Variants in BCAR3 observed in about 807,000 individuals in gnomAD.
BCAR3 encodes the protein breast cancer anti-estrogen resistance protein 3.
Under a neutral mutation model 80.1 loss-of-function variants are expected in BCAR3, and 37 were observed. That is an observed-to-expected ratio of 0.46 (90% CI 0.36 to 0.61). BCAR3 has a LOEUF of 0.61. Ranked by LOEUF, BCAR3 falls within the 20% of genes least tolerant of loss-of-function variation. The pLI is 0.00. For synonymous variants in BCAR3, 389 were observed against 418.9 expected (o/e 0.93, Z 0.87); for missense variants, 978 against 1,068.2 (o/e 0.92, Z 1.18).
Position 93,613,896 on chromosome 1 carries a change from G to A in BCAR3, c.358-21503C>T, listed in dbSNP as rs762496720. ...GTGATAGAAGCAGCACAGAGCTGCTGAGAGGGCGTGGAAAGCACTGCATTC... is the reference window on the plus strand; with the variant it reads ...GTGATAGAAGCAGCACAGAGCTGCTAAGAGGGCGTGGAAAGCACTGCATTC... On this transcript the variant is annotated intron_variant, in intron 3 of 11. Coordinates refer to ENST00000260502, the MANE Select transcript of BCAR3 (RefSeq NM_003567.4). 3.2e-6 allele frequency: 5 copies of A among 1,550,596 alleles called. No homozygotes were observed. The South Asian group carries it at 5.9e-5, about 18-fold the overall frequency.
At chr1:93,702,532 C>T (rs1649681443) in intron 3 of BCAR3, among the ~76,000 whole-genome samples, 1 of 146,222 alleles carries the variant, frequency 6.8e-6, no homozygotes, top group African/African-American at 2.5e-5. Flanking sequence ...CATGGAGTTC[C>T]TGGGCTCAGG....
intron 2 of BCAR3, among the ~76,000 whole-genome samples, chr1:93,655,711 T>A (rs1314009960): frequency 6.6e-6 from 1 of 152,238 alleles, no homozygotes; most frequent in Non-Finnish European, 1.5e-5. Flanking sequence ...ACACAACTAC[T>A]GAATAGCAAA....
At chr1:93,639,118 C>A (rs1675897032) in intron 3 of BCAR3, among the ~76,000 whole-genome samples, 1 of 152,178 alleles carries the variant, frequency 6.6e-6, no homozygotes, top group Admixed American at 6.5e-5. Flanking sequence ...CCTGGGGCTT[C>A]CCAGCCATGC....
In BCAR3 at chr1:93,562,310, T is replaced by C. The variant is rs1672713567; in HGVS notation, c.2409A>G (p.Lys803=). ...AGAGGGCAGTTAAAATCTGGTTGAA[T>C]TTCTCATATCTCTCTGTCTGATTGA... is the stretch of plus-strand genomic sequence containing the variant. ...AQVNQTERYE[K]FNQILTALSR... The change falls in exon 12 of 12, where the codon AAA becomes AAG. Residue 803 remains lysine (K), a synonymous_variant. Transcript: ENST00000260502. 1 of 1,614,108 alleles carries C rather than the reference T, an allele frequency of 6.2e-7. No individual in the cohort carries two copies. Among genetic ancestry groups the C allele is most frequent in the Non-Finnish European group, 8.5e-7 (1 of 1,179,978 alleles).
intron 3 of BCAR3, among the ~76,000 whole-genome samples, chr1:93,696,781 TAA>T (rs1277937555): frequency 6.6e-6 from 1 of 152,232 alleles, no homozygotes; most frequent in Non-Finnish European, 1.5e-5. Flanking sequence ...ATTCTCTATC[TAA>T]CCAACTCCCA....
intron 2 of BCAR3, among the ~76,000 whole-genome samples, chr1:93,815,200 C>T (rs1653973868): frequency 6.6e-6 from 1 of 152,204 alleles, no homozygotes; most frequent in African/African-American, 2.4e-5. Context: ...CTTATCACCT[C>T]CCAGGTGGCC....
intron 11 of BCAR3, among the ~76,000 whole-genome samples, chr1:93,562,969 AAT>A (rs1013933998): frequency 6.6e-5 from 10 of 152,118 alleles, no homozygotes. Context: ...ATTAAAAAAC[AAT>A]AGAGTGAAAT....
rs143836768 is a variant in BCAR3, at chr1:93,656,392, A to G, written c.318-14049T>C. On this transcript the variant is annotated intron_variant, in intron 2 of 11. Coordinates refer to ENST00000260502, the MANE Select transcript of BCAR3 (RefSeq NM_003567.4). ...TGTGATTACTTTCTGTCTTTAATTCATAAGTATTTTCTCCAGTCATATCTA... is the reference window on the plus strand; with the variant it reads ...TGTGATTACTTTCTGTCTTTAATTCGTAAGTATTTTCTCCAGTCATATCTA... 4.5e-3 allele frequency among the ~76,000 whole-genome samples: 675 copies of G among 151,680 alleles called. 5 individuals carry two copies. The highest frequency in any genetic ancestry group is 0.016 in the African/African-American group (642 of 41,340).
intron 3 of BCAR3, among the ~76,000 whole-genome samples, chr1:93,692,529 A>G (rs564185832): frequency 2.0e-4 from 31 of 152,366 alleles, no homozygotes; most frequent in African/African-American, 7.5e-4. Context: ...GCCCAGGGCT[A>G]AGAACTTTGT....
chr1:93,818,871 T>C (rs1218656168), intron 2 of BCAR3, among the ~76,000 whole-genome samples: 1 of 152,192 alleles, frequency 6.6e-6, no homozygotes, highest in African/African-American at 2.4e-5. Context: ...TCAGTAATGA[T>C]TAAATGAGCA....
At chr1:93,596,211 C>T (rs1033311322) in intron 3 of BCAR3, among the ~76,000 whole-genome samples, 1 of 152,140 alleles carries the variant, frequency 6.6e-6, no homozygotes, top group Admixed American at 6.6e-5. Flanking sequence ...GTACTGTATT[C>T]GCTCACATAA....
chr1:93,659,274 G>A (rs1300340546), intron 2 of BCAR3, among the ~76,000 whole-genome samples: 1 of 152,174 alleles, frequency 6.6e-6, no homozygotes, highest in Non-Finnish European at 1.5e-5. Flanking sequence ...CGACCTAATG[G>A]GGTTAAATAA....
intron 3 of BCAR3, among the ~76,000 whole-genome samples, chr1:93,638,544 AG>A (rs1277228101): frequency 6.6e-6 from 1 of 152,086 alleles, no homozygotes; most frequent in Non-Finnish European, 1.5e-5. Context: ...AATTTTGCCT[AG>A]GGTTATTGGC....
At chr1:93,770,972 T>C (rs750692342) in intron 2 of BCAR3, among the ~76,000 whole-genome samples, 59 of 152,266 alleles carry the variant, frequency 3.9e-4, no homozygotes, top group Middle Eastern at 3.4e-3. Flanking sequence ...ACACAGAAAA[T>C]AGTCTGAAGA....
intron 1 of BCAR3, among the ~76,000 whole-genome samples, chr1:93,676,655 C>T (rs1648502100): frequency 6.6e-6 from 1 of 152,202 alleles, no homozygotes; most frequent in Non-Finnish European, 1.5e-5. Flanking sequence ...GGAAACCAAA[C>T]TCCCTAGCCC....
At chr1:93,680,823 C>G (rs1260458387) in intron 1 of BCAR3, among the ~76,000 whole-genome samples, 2 of 152,174 alleles carry the variant, frequency 1.3e-5, no homozygotes, top group Non-Finnish European at 2.9e-5. Flanking sequence ...TCCGCTCAAC[C>G]TCCTCCTCGA....
chr1:93,630,578 G>A (rs999088918), intron 3 of BCAR3, among the ~76,000 whole-genome samples: 1 of 152,148 alleles, frequency 6.6e-6, no homozygotes, highest in Non-Finnish European at 1.5e-5. Context: ...AAATTACAGT[G>A]AGCTGAGATT....
At chr1:93,628,273 T>C (rs1225773130) in intron 3 of BCAR3, among the ~76,000 whole-genome samples, 2 of 152,108 alleles carry the variant, frequency 1.3e-5, no homozygotes, top group African/African-American at 4.8e-5. Flanking sequence ...CCACCTCCCC[T>C]GCTCTCACAG....
At chr1:93,708,325 G>C (rs1649896772) in intron 2 of BCAR3, among the ~76,000 whole-genome samples, 1 of 152,172 alleles carries the variant, frequency 6.6e-6, no homozygotes, top group Non-Finnish European at 1.5e-5. Context: ...TGGCAGATGG[G>C]ACTGATGTTA....
Sources: allele counts gnomAD v4.1 joint callset (sites outside exome capture counted in the v4.1 genomes callset), GRCh38; gene constraint gnomAD v4.1.1; transcripts MANE v1.5; gene names NCBI Gene and HGNC (gene_info 2026-07-23, HGNC 2026-07-21).